AFG2B: variants seen among roughly 807,000 people sequenced by gnomAD.
AFG2B encodes the protein AAA ATPase AFG2B.
chr15:45,407,245 C>A, the AFG2B span: 1 of 1,185,200 alleles, frequency 8.4e-7, no homozygotes, highest in Non-Finnish European at 1.1e-6. Context: ...ATCTTTTATT[C>A]TTTCCCCCAC....
chr15:45,417,250 G>A, the AFG2B span: 4 of 1,611,548 alleles, frequency 2.5e-6, no homozygotes, highest in East Asian at 2.2e-5. Flanking sequence ...ATTACTTTGT[G>A]TTGTGTGTTT....
At chr15:45,408,739 G>T in the AFG2B span, among the ~76,000 whole-genome samples, 1 of 152,138 alleles carries the variant, frequency 6.6e-6, no homozygotes, top group Non-Finnish European at 1.5e-5. Flanking sequence ...AAACTTTCAG[G>T]CTGGGCACAG....
chr15:45,404,036 A>C, the AFG2B span, among the ~76,000 whole-genome samples: 150 of 152,252 alleles, frequency 9.9e-4, 5 homozygotes, highest in East Asian at 0.019. Flanking sequence ...CCTATTCCAC[A>C]ATTGAGGAGG....
chr15:45,405,580 C>T, the AFG2B span: 24 of 1,431,084 alleles, frequency 1.7e-5, no homozygotes, highest in Admixed American at 6.0e-5. Context: ...TAAAAAAAAG[C>T]GGTGAGTACA....
the AFG2B span, chr15:45,405,196 A>G: frequency 2.1e-6 from 2 of 931,874 alleles, no homozygotes; most frequent in Non-Finnish European, 3.1e-6. Context: ...CTCACCCCCA[A>G]CCCTTCCCAG....
the AFG2B span, chr15:45,402,597 C>T: frequency 6.4e-7 from 1 of 1,572,112 alleles, no homozygotes; most frequent in Non-Finnish European, 8.6e-7. Context: ...ACGGCGGCTC[C>T]TGCCTCTGCA....
the AFG2B span, among the ~76,000 whole-genome samples, chr15:45,412,489 A>G: frequency 2.0e-5 from 3 of 152,362 alleles, no homozygotes; most frequent in South Asian, 2.1e-4. Flanking sequence ...TGTGATCCAC[A>G]GTCTCTGTCA....
chr15:45,402,924 C>T, the AFG2B span: 2 of 1,598,072 alleles, frequency 1.3e-6, no homozygotes, highest in Admixed American at 3.3e-5. Flanking sequence ...CCTTGCACAT[C>T]GTCGGCGGGA....
the AFG2B span, chr15:45,403,585 G>T: frequency 1.9e-6 from 3 of 1,566,638 alleles, no homozygotes; most frequent in African/African-American, 2.8e-5. Context: ...CCATTTGGCT[G>T]CCCCGGAGGC....
chr15:45,421,164 A>G, the AFG2B span: 1 of 1,609,974 alleles, frequency 6.2e-7, no homozygotes. Context: ...GCTTTATATG[A>G]AAACTTATTT....
chr15:45,417,420 T>G, the AFG2B span: 3 of 1,612,958 alleles, frequency 1.9e-6, no homozygotes, highest in Non-Finnish European at 2.5e-6. Flanking sequence ...ACACATTTAC[T>G]CTGTGTGAGC....
chr15:45,402,369 C>CT, the AFG2B span: 4 of 1,552,062 alleles, frequency 2.6e-6, no homozygotes, highest in Non-Finnish European at 3.5e-6. Flanking sequence ...CGGTGTTCCG[C>CT]TTTTTGTGGG....
At chr15:45,402,592 G>A in the AFG2B span, 2 of 1,569,590 alleles carry the variant, frequency 1.3e-6, no homozygotes. Context: ...ACCCGACGGC[G>A]GCTCCTGCCT....
the AFG2B span, chr15:45,405,416 C>T: frequency 6.2e-7 from 1 of 1,614,056 alleles, no homozygotes. Context: ...TTTGGGCCTT[C>T]TTGCAGAAAT....
chr15:45,415,914 A>G, the AFG2B span: 1 of 857,740 alleles, frequency 1.2e-6, no homozygotes, highest in Non-Finnish European at 1.7e-6. Flanking sequence ...AAGGATTTAT[A>G]TAATTTCAGT....
chr15:45,411,507 A>G, the AFG2B span, among the ~76,000 whole-genome samples: 4 of 152,146 alleles, frequency 2.6e-5, no homozygotes, highest in Admixed American at 6.6e-5. Context: ...TTGTAGAGAT[A>G]GAGTCCCACT....
At chr15:45,418,801 G>A in the AFG2B span, 2 of 1,322,254 alleles carry the variant, frequency 1.5e-6, no homozygotes, top group African/African-American at 3.0e-5. Flanking sequence ...GAAACAGACA[G>A]ATGTGGCCCC....
the AFG2B span, among the ~76,000 whole-genome samples, chr15:45,414,034 G>C: frequency 6.6e-6 from 1 of 152,194 alleles, no homozygotes; most frequent in African/African-American, 2.4e-5. Flanking sequence ...CGTTCTAGCA[G>C]AGCAGAATGA....
chr15:45,417,637 T>A, the AFG2B span: 1 of 398,828 alleles, frequency 2.5e-6, no homozygotes. Context: ...AAATACTGAG[T>A]CTACTCAGCG....
Sources: allele counts gnomAD v4.1 joint callset (sites outside exome capture counted in the v4.1 genomes callset), GRCh38; gene constraint gnomAD v4.1.1; transcripts MANE v1.5; gene names NCBI Gene and HGNC (gene_info 2026-07-23, HGNC 2026-07-21).